The following CCDC85C variants were observed in gnomAD, a reference collection of about 807,000 sequenced individuals.
CCDC85C encodes the protein coiled-coil domain containing 85C, also known as coiled-coil domain-containing protein 85C.
In CCDC85C, 18 loss-of-function variants were observed where a neutral mutation model predicts 38.3. That is an observed-to-expected ratio of 0.47 (90% CI 0.33 to 0.70). CCDC85C has a LOEUF of 0.70. Among genes scored for constraint, CCDC85C ranks in the 30% least tolerant of loss-of-function variants. The pLI, the probability that CCDC85C is intolerant of heterozygous loss-of-function variation, is 0.03. For missense variants in CCDC85C, 566 were observed against 621.2 expected (o/e 0.91, Z 0.94); for synonymous variants, 264 against 293.8 (o/e 0.90, Z 1.04).
intron 3 of CCDC85C, among the ~76,000 whole-genome samples, chr14:99,521,638 G>A (rs1595339113): frequency 6.6e-6 from 1 of 152,208 alleles, no homozygotes; most frequent in East Asian, 1.9e-4. Context: ...GCTCCCCACT[G>A]CCATCATATC....
rs1897124153 is a variant in CCDC85C, at chr14:99,511,265, ATAG to A, written c.*3978_*3980del. 6.6e-6 allele frequency: 1 copy of A among 152,110 alleles called. No homozygotes were observed. Among genetic ancestry groups the A allele is most frequent in the Non-Finnish European group, 1.5e-5 (1 of 68,172 alleles). 9.4% of individuals were successfully genotyped at this position (152,110 alleles called of 1,614,324 possible). ...GGCAGAAGAACCACATTTTTCATTT[ATAG>A]ATGTTTGCATCCTTTGTATTAAAAT... On this transcript the variant is annotated 3_prime_UTR_variant, in exon 6 of 6. Coordinates refer to ENST00000380243, the MANE Select transcript of CCDC85C (RefSeq NM_001144995.2).
Position 99,572,027 on chromosome 14 carries a change from C to CA in CCDC85C, c.793+31139dup, listed in dbSNP as rs1898356722. ...GGAGCTGGAGACTGCCTGCAGCAGGCACCCTTCCACGGGGCATCTCAGAGC... is the reference window on the plus strand; with the variant it reads ...GGAGCTGGAGACTGCCTGCAGCAGGCAACCCTTCCACGGGGCATCTCAGAGC... On this transcript the variant is annotated intron_variant, in intron 1 of 5. Coordinates refer to ENST00000380243, the MANE Select transcript of CCDC85C (RefSeq NM_001144995.2). The surrounding 1 kb of genome is among the most constrained non-coding windows in gnomAD (Gnocchi z 4.4). 6.6e-6 allele frequency among the ~76,000 whole-genome samples: 1 copy of CA among 152,220 alleles called. No individual in the cohort carries two copies. The highest frequency in any genetic ancestry group is 2.4e-5 in the African/African-American group (1 of 41,442).
At chr14:99,578,200 T>C (rs6575737) in intron 1 of CCDC85C, among the ~76,000 whole-genome samples, 17,390 of 115,488 alleles carry the variant, frequency 0.15, 2,301 homozygotes, top group African/African-American at 0.32. Flanking sequence ...TGTGTGTACA[T>C]ATCTCTACAC....
chr14:99,574,436 C>G (rs1898427576), intron 1 of CCDC85C, among the ~76,000 whole-genome samples: 1 of 152,130 alleles, frequency 6.6e-6, no homozygotes, highest in African/African-American at 2.4e-5. Flanking sequence ...CATACGCTCC[C>G]CTCACCCTCC....
intron 1 of CCDC85C, among the ~76,000 whole-genome samples, chr14:99,541,256 A>G (rs1217583429): frequency 6.6e-6 from 1 of 152,170 alleles, no homozygotes; most frequent in Non-Finnish European, 1.5e-5. Context: ...AGTAGCTGCA[A>G]TGAGCTCCTC....
chr14:99,568,533 T>C (rs922082078), intron 1 of CCDC85C, among the ~76,000 whole-genome samples: 1 of 151,970 alleles, frequency 6.6e-6, no homozygotes, highest in Non-Finnish European at 1.5e-5. Flanking sequence ...GCACCCCCAC[T>C]ACCACAGGCA....
At position 99,569,105 on chromosome 14, in the gene CCDC85C, CCTCA is replaced by C. The variant is rs147603294; in HGVS notation, c.794-33021_794-33018del. 3.3e-3 allele frequency among the ~76,000 whole-genome samples: 508 copies of C among 152,272 alleles called. 2 individuals are homozygous for C. Among genetic ancestry groups the C allele is most frequent in the African/African-American group, 0.011 (467 of 41,550 alleles). ...TCAAATCCCCACTCCTGGCCTGTGT[CCTCA>C]CTGTCTGCCAAGCCCCGTCCCCAGA... On this transcript the variant is annotated intron_variant, in intron 1 of 5. Transcript: ENST00000380243. The surrounding 1 kb of genome is among the most constrained non-coding windows in gnomAD (Gnocchi z 4.3).
Position 99,505,813 on chromosome 14 carries a change from C to T in CCDC85C, c.*9433G>A, listed in dbSNP as rs558998547. The T allele has an allele frequency of 6.6e-6, 1 of 152,344 alleles. No individual in the cohort carries two copies. The highest frequency in any genetic ancestry group is 2.4e-5 in the African/African-American group (1 of 41,568). The allele number at this position is 152,344 out of a possible 1,614,324, so 9.4% of individuals were successfully genotyped here. A position where few individuals can be genotyped will look rare whatever the true frequency, so the allele number is the denominator to read the frequency against. Reference sequence around the variant, plus strand: ...TTGAAGCTGCAGTGAGCCATGATTACATTACTACACTCCAGCCTGGGTGAC... The same window carrying T: ...TTGAAGCTGCAGTGAGCCATGATTATATTACTACACTCCAGCCTGGGTGAC... On this transcript the variant is annotated 3_prime_UTR_variant, in exon 6 of 6. Transcript: ENST00000380243.
At chr14:99,528,518 C>G (rs1337600144) in intron 2 of CCDC85C, among the ~76,000 whole-genome samples, 14 of 152,192 alleles carry the variant, frequency 9.2e-5, no homozygotes, top group Admixed American at 9.2e-4. Context: ...CCCACCACCC[C>G]CCATAGCCCA....
rs909423587 is a variant in CCDC85C at position 99,509,205 on chromosome 14, T to C, written c.*6041A>G. ...CATCTTCGTGGCTTTGTCCTCTCTA[T>C]GTTCTCTGGAACCAGAAATGTTGCT... On this transcript the variant is annotated 3_prime_UTR_variant, in exon 6 of 6. Transcript: ENST00000380243. 3 of 152,308 alleles carry C rather than the reference T, an allele frequency of 2.0e-5. No individual in the cohort carries two copies. Among genetic ancestry groups the C allele is most frequent in the African/African-American group, 7.2e-5 (3 of 41,460 alleles). The allele number at this position is 152,308 out of a possible 1,614,324, so 9.4% of individuals were successfully genotyped here.
chr14:99,553,442 G>A (rs1416016513), intron 1 of CCDC85C, among the ~76,000 whole-genome samples: 1 of 152,136 alleles, frequency 6.6e-6, no homozygotes, highest in African/African-American at 2.4e-5. Context: ...TCAGCTCACT[G>A]CAACCTCCGC....
chr14:99,587,993 G>A (rs2055045432), intron 1 of CCDC85C, among the ~76,000 whole-genome samples: 1 of 152,114 alleles, frequency 6.6e-6, no homozygotes, highest in Non-Finnish European at 1.5e-5. Context: ...AGTGCCCTCT[G>A]GTCTCCCCTC....
chr14:99,600,197 G>C (rs1366681819), intron 1 of CCDC85C, among the ~76,000 whole-genome samples: 1 of 152,256 alleles, frequency 6.6e-6, no homozygotes, highest in African/African-American at 2.4e-5. Context: ...TCTGTTGGGA[G>C]AGCCCCAAGG....
In CCDC85C at chr14:99,603,224, A is replaced by G; in HGVS notation, c.736T>C (p.Ser246Pro). The G allele has an allele frequency of 7.0e-7, 1 of 1,423,318 alleles. No individual in the cohort carries two copies. The highest frequency in any genetic ancestry group is 9.2e-7 in the Non-Finnish European group (1 of 1,091,554). 88.2% of individuals were successfully genotyped at this position (1,423,318 alleles called of 1,614,324 possible). The change falls in exon 1 of 6, where the codon TCC becomes CCC. Residue 246 changes from serine (S) to proline (P), a missense_variant. Ser to Pro is a moderately conservative substitution (Grantham distance 74, BLOSUM62 -1). Around this residue, in one of 3 missense-constraint regions of CCDC85C, gnomAD observed 286 missense variants for 276.4 expected, o/e 1.03. Coordinates refer to ENST00000380243, the MANE Select transcript of CCDC85C (RefSeq NM_001144995.2). This position sits in a 1 kb window ranked among gnomAD's most constrained non-coding sequence, Gnocchi z 7.5. ...PDGKAGATRRSLDDLSAPPHH... is the reference protein window; with the variant it reads ...PDGKAGATRRPLDDLSAPPHH... ...GGCGGCGCCGACAAGTCGTCCAGGG[A>G]CCGACGTGTGGCTCCTGCCTTGCCG...
Position 99,500,921 on chromosome 14 carries a change from T to C in CCDC85C, c.*14325A>G, listed in dbSNP as rs1463392058. ...TTTTTTCATTCTGAAATCAAGTCTTTATAATTTGATGACACTCAAATTACG... is the reference window on the plus strand; with the variant it reads ...TTTTTTCATTCTGAAATCAAGTCTTCATAATTTGATGACACTCAAATTACG... On this transcript the variant is annotated 3_prime_UTR_variant, in exon 6 of 6. Coordinates refer to ENST00000380243, the MANE Select transcript of CCDC85C (RefSeq NM_001144995.2). 9 of 1,135,060 alleles carry C rather than the reference T, an allele frequency of 7.9e-6. No individual in the cohort carries two copies. 70.3% of individuals were successfully genotyped at this position (1,135,060 alleles called of 1,614,324 possible).
Position 99,502,069 on chromosome 14 carries a change from G to GTTTA in CCDC85C, c.*13173_*13176dup. ...TACCTTTAGAAGAGTAAAGACTTGA[G>GTTTA]TTTATTTATTTATAGTACTTTAATT... On this transcript the variant is annotated 3_prime_UTR_variant, in exon 6 of 6. Coordinates refer to ENST00000380243, the MANE Select transcript of CCDC85C (RefSeq NM_001144995.2). 1.0e-6 allele frequency: 1 copy of GTTTA among 966,138 alleles called. No homozygotes were observed. The highest frequency in any genetic ancestry group is 3.4e-4 in the Middle Eastern group (1 of 2,920). The allele number at this position is 966,138 out of a possible 1,614,324, so 59.8% of individuals were successfully genotyped here.
chr14:99,519,928 A>G (rs1897279927), intron 3 of CCDC85C, among the ~76,000 whole-genome samples: 5 of 152,128 alleles, frequency 3.3e-5, no homozygotes, highest in African/African-American at 1.2e-4. Context: ...GTGACGGCCG[A>G]TGGGTACAGG....
At chr14:99,592,474 G>A (rs966224798) in intron 1 of CCDC85C, among the ~76,000 whole-genome samples, 1 of 152,228 alleles carries the variant, frequency 6.6e-6, no homozygotes, top group Admixed American at 6.5e-5. Flanking sequence ...CCTCTGGGCA[G>A]GAGGGGCTGG....
Position 99,515,156 on chromosome 14 carries a change from G to T in CCDC85C, c.*90C>A. The T allele has an allele frequency of 4.5e-6, 4 of 895,896 alleles. No homozygotes were observed. The highest frequency in any genetic ancestry group is 5.2e-6 in the Non-Finnish European group (3 of 576,194). 55.5% of individuals were successfully genotyped at this position (895,896 alleles called of 1,614,324 possible). ...TTCACCACAGAGGAAGAAGACAGGG[G>T]CTGGGCTGGAGGTCCTGCCCGTGTC... is the stretch of plus-strand genomic sequence containing the variant. On this transcript the variant is annotated 3_prime_UTR_variant, in exon 6 of 6. Transcript: ENST00000380243.
Sources: gnomAD v4.1 joint callset for allele counts (sites outside exome capture counted in the v4.1 genomes callset) on GRCh38, gnomAD v4.1.1 for gene constraint, gnomAD v4.1.1 regional missense constraint, Gnocchi (gnomAD v3.1) non-coding constraint, MANE v1.5 for transcripts, NCBI Gene and HGNC (gene_info 2026-07-23, HGNC 2026-07-21) for gene names.